DPH6: variants seen among roughly 807,000 people sequenced by gnomAD.
DPH6 encodes diphthine--ammonia ligase.
DPH6 carries 33 observed loss-of-function variants against 38.2 expected under a neutral mutation model. That is an observed-to-expected ratio of 0.86 (90% CI 0.65 to 1.15). The LOEUF is 1.15. Ranked by LOEUF, DPH6 falls within the 50% of genes most tolerant of loss-of-function variation. The pLI, the probability that DPH6 is intolerant of heterozygous loss-of-function variation, is 0.00. For missense variants in DPH6, 325 were observed against 320.0 expected (o/e 1.02, Z -0.12); for synonymous variants, 108 against 103.0 (o/e 1.05, Z -0.30).
chr15:35,334,027 A>G (rs891032539), intron 3 of DPH6, among the ~76,000 whole-genome samples: 3 of 152,258 alleles, frequency 2.0e-5, no homozygotes, highest in East Asian at 1.9e-4. Context: ...TAGGAACAGA[A>G]AACCAAACAC....
intron 6 of DPH6, among the ~76,000 whole-genome samples, chr15:35,388,227 T>C (rs2052999594): frequency 1.3e-5 from 2 of 152,226 alleles, no homozygotes; most frequent in Admixed American, 6.5e-5. Context: ...TTTGATGTGC[T>C]GCTGGATTCG....
At chr15:35,469,031 T>A (rs990900382) in intron 3 of DPH6, among the ~76,000 whole-genome samples, 1 of 151,506 alleles carries the variant, frequency 6.6e-6, no homozygotes, top group Non-Finnish European at 1.5e-5. Context: ...CCCAACACCA[T>A]TGCACTCCAG....
chr15:35,450,670 A>G lies in DPH6; in HGVS notation c.505+15T>C. The stretch of plus-strand genomic sequence containing the variant: ...TGTGGCAACAAACAGCTCCCTTGAT[A>G]GTTTGGCTGCATACCCAAAGCTGCT... On this transcript the variant is annotated intron_variant, in intron 5 of 8. Coordinates refer to ENST00000256538, the MANE Select transcript of DPH6 (RefSeq NM_080650.4). 1 of 1,596,822 alleles carries G rather than the reference A, an allele frequency of 6.3e-7. No homozygotes were observed. The highest frequency in any genetic ancestry group is 8.6e-7 in the Non-Finnish European group (1 of 1,165,182).
chr15:35,373,029 T>A (rs1195398846), intron 8 of DPH6, among the ~76,000 whole-genome samples: 2 of 151,968 alleles, frequency 1.3e-5, no homozygotes, highest in East Asian at 1.9e-4. Context: ...ATCTTGACAG[T>A]GTATTTAAAA....
chr15:35,526,384 T>C lies in DPH6; in HGVS notation c.312+11890A>G, dbSNP rs57828465. 3.1e-3 allele frequency among the ~76,000 whole-genome samples: 469 copies of C among 152,274 alleles called. 3 individuals are homozygous for C. The East Asian group carries it at 0.034, about 11-fold the overall frequency. On this transcript the variant is annotated intron_variant, in intron 3 of 8. Coordinates refer to ENST00000256538, the MANE Select transcript of DPH6 (RefSeq NM_080650.4). ...GTCAATGTCTTTTGAAAGATATCTA[T>C]GGGGATCAATATTAGCATAATTTTG...
intron 6 of DPH6, among the ~76,000 whole-genome samples, chr15:35,389,929 C>G (rs1022139267): frequency 6.6e-6 from 1 of 152,098 alleles, no homozygotes; most frequent in African/African-American, 2.4e-5. Flanking sequence ...GCAGTTTCTT[C>G]CTATCCTCGA....
At position 35,410,834 on chromosome 15, in the gene DPH6, C is replaced by A. The variant is rs1487209217; in HGVS notation, c.567+1G>T. ...TTTTGAGATCTAGTATAAATTCTTA[C>A]CTCTATGAGATAAGGCTCCATTTGA... On this transcript the variant is annotated splice_donor_variant, in intron 6 of 8. Transcript: ENST00000256538. LOFTEE classifies it high-confidence loss of function. The A allele has an allele frequency of 1.9e-6, 3 of 1,595,978 alleles. No homozygotes were observed. The highest frequency in any genetic ancestry group is 1.4e-5 in the African/African-American group (1 of 73,670).
chr15:35,437,053 A>C (rs568817336), intron 5 of DPH6, among the ~76,000 whole-genome samples: 1 of 151,920 alleles, frequency 6.6e-6, no homozygotes, highest in East Asian at 1.9e-4. Context: ...CTAGGCACCC[A>C]TGTTTACATG....
At chr15:35,320,741 C>T (rs999941581) in intron 3 of DPH6, among the ~76,000 whole-genome samples, 9 of 152,128 alleles carry the variant, frequency 5.9e-5, no homozygotes, top group Admixed American at 2.6e-4. Context: ...TTCTTTTATA[C>T]GTTCCAAAAA....
chr15:35,322,100 G>A (rs1365277809), intron 3 of DPH6, among the ~76,000 whole-genome samples: 1 of 152,076 alleles, frequency 6.6e-6, no homozygotes, highest in African/African-American at 2.4e-5. Context: ...TAAGTCATGG[G>A]TCCACGTGGG....
intron 3 of DPH6, among the ~76,000 whole-genome samples, chr15:35,529,402 C>T (rs2055053627): frequency 6.6e-6 from 1 of 152,124 alleles, no homozygotes; most frequent in Non-Finnish European, 1.5e-5. Context: ...GGGAAGCCCA[C>T]CCCATGATTT....
the DPH6 span, among the ~76,000 whole-genome samples, chr15:35,163,927 T>C: frequency 2.0e-5 from 3 of 151,810 alleles, no homozygotes; most frequent in African/African-American, 7.3e-5. Context: ...TCATATACTA[T>C]AATATACTAT....
At chr15:35,285,481 A>G (rs1315832389) in intron 3 of DPH6, among the ~76,000 whole-genome samples, 2 of 152,158 alleles carry the variant, frequency 1.3e-5, no homozygotes, top group African/African-American at 2.4e-5. Flanking sequence ...TGCCATCCAC[A>G]TAAGATGTGA....
At chr15:35,267,492 T>C (rs2051790517) in intron 3 of DPH6, among the ~76,000 whole-genome samples, 1 of 152,226 alleles carries the variant, frequency 6.6e-6, no homozygotes, top group Admixed American at 6.5e-5. Flanking sequence ...GCCTGTCTCT[T>C]GGTCTCTCTA....
the DPH6 span, among the ~76,000 whole-genome samples, chr15:35,200,279 T>C: frequency 6.6e-6 from 1 of 152,216 alleles, no homozygotes; most frequent in South Asian, 2.1e-4. Flanking sequence ...AATGGAATTC[T>C]GGCAAAATGG....
intron 3 of DPH6, among the ~76,000 whole-genome samples, chr15:35,241,654 C>T (rs1389548545): frequency 7.0e-6 from 1 of 141,962 alleles, no homozygotes; most frequent in African/African-American, 2.6e-5. Flanking sequence ...TGTATTCCCC[C>T]ACCTTAACCC....
chr15:35,478,254 A>C (rs956256271), intron 3 of DPH6, among the ~76,000 whole-genome samples: 9 of 151,860 alleles, frequency 5.9e-5, no homozygotes, highest in Admixed American at 2.0e-4. Context: ...CCACTGTAAC[A>C]ATGTTTAGGA....
At chr15:35,480,946 G>A (rs1270322416) in intron 3 of DPH6, among the ~76,000 whole-genome samples, 4 of 148,808 alleles carry the variant, frequency 2.7e-5, no homozygotes, top group Admixed American at 6.8e-5. Context: ...TTTCCTGATG[G>A]AAGAACATAC....
chr15:35,535,635 A>G (rs2055157455), intron 3 of DPH6, among the ~76,000 whole-genome samples: 1 of 82,300 alleles, frequency 1.2e-5, no homozygotes, highest in Non-Finnish European at 3.6e-5. Flanking sequence ...TCAGGAAATA[A>G]TACAGTTATC....
Sources: gnomAD v4.1 joint callset for allele counts (sites outside exome capture counted in the v4.1 genomes callset) on GRCh38, gnomAD v4.1.1 for gene constraint, MANE v1.5 for transcripts, NCBI Gene and HGNC (gene_info 2026-07-23, HGNC 2026-07-21) for gene names.